The following RAB3C variants were observed in gnomAD, a reference collection of about 807,000 sequenced individuals.
RAB3C encodes the protein RAB3C, member RAS oncogene family.
A neutral mutation model predicts 26.4 loss-of-function variants in RAB3C; 17 were observed. That is an observed-to-expected ratio of 0.64 (90% confidence interval 0.44 to 0.97). RAB3C has a LOEUF of 0.97. Among genes scored for constraint, RAB3C ranks in the 50% least tolerant of loss-of-function variants. The pLI, the probability that RAB3C is intolerant of heterozygous loss-of-function variation, is 0.00. For synonymous variants in RAB3C, 91 were observed against 95.9 expected (o/e 0.95, Z 0.30); for missense variants, 242 against 281.9 (o/e 0.86, Z 1.01).
chr5:58,767,038 C>G (rs1400429125), intron 3 of RAB3C, among the ~76,000 whole-genome samples: 4 of 152,144 alleles, frequency 2.6e-5, no homozygotes, highest in Admixed American at 1.3e-4. Context: ...CAGACAGGGG[C>G]TGTCAAACCT....
intron 3 of RAB3C, among the ~76,000 whole-genome samples, chr5:58,735,440 T>C (rs925740408): frequency 1.3e-5 from 2 of 152,192 alleles, no homozygotes; most frequent in African/African-American, 4.8e-5. Flanking sequence ...TGTAGAATTA[T>C]AATTCCCACC....
chr5:58,753,344 C>A (rs1225414745), intron 3 of RAB3C, among the ~76,000 whole-genome samples: 1 of 152,138 alleles, frequency 6.6e-6, no homozygotes, highest in Admixed American at 6.5e-5. Context: ...ATTCCCAAAT[C>A]ATAGATCTTA....
At chr5:58,700,344 A>G (rs555234563) in intron 2 of RAB3C, among the ~76,000 whole-genome samples, 41 of 152,362 alleles carry the variant, frequency 2.7e-4, no homozygotes, top group Middle Eastern at 6.8e-3. Context: ...GATTCTCTAC[A>G]TGTTCACGTT....
At position 58,726,577 on chromosome 5, in the gene RAB3C, A is replaced by C. The variant is rs1740895958; in HGVS notation, c.371+457A>C. On this transcript the variant is annotated intron_variant, in intron 3 of 4. Transcript: ENST00000282878. ...CCTTAACACCACCACAGCAGAGTTA[A>C]GTAGTTGCAACAGAAACCATATTGC... Among the ~76,000 whole-genome samples, 3 of 151,942 alleles carry C rather than the reference A, an allele frequency of 2.0e-5. 1 individual carries two copies. In the South Asian group the frequency reaches 6.2e-4, roughly 31 times the overall value.
At chr5:58,705,258 T>A (rs1748921586) in intron 2 of RAB3C, among the ~76,000 whole-genome samples, 1 of 152,128 alleles carries the variant, frequency 6.6e-6, no homozygotes, top group African/African-American at 2.4e-5. Context: ...AAGTTCGTAT[T>A]TATAAGTAGG....
intron 2 of RAB3C, among the ~76,000 whole-genome samples, chr5:58,677,889 C>A (rs991423631): frequency 6.6e-6 from 1 of 152,032 alleles, no homozygotes; most frequent in Non-Finnish European, 1.5e-5. Context: ...TTTGTACCAG[C>A]ACAGAGGACA....
In RAB3C at chr5:58,673,209, A is replaced by G. The variant is rs532104550; in HGVS notation, c.253-52793A>G. ...TGGAAAAACCCACAACCCTTAAAACATGTTCTATGGGTTCCCTCTGTCCTG... is the reference window on the plus strand; with the variant it reads ...TGGAAAAACCCACAACCCTTAAAACGTGTTCTATGGGTTCCCTCTGTCCTG... On this transcript the variant is annotated intron_variant, in intron 2 of 4. Transcript: ENST00000282878. Among the ~76,000 whole-genome samples the G allele has an allele frequency of 2.6e-5, 4 of 152,296 alleles. No homozygotes were observed. The South Asian group carries it at 8.3e-4, about 32-fold the overall frequency.
intron 2 of RAB3C, among the ~76,000 whole-genome samples, chr5:58,676,464 T>C (rs1748229736): frequency 1.3e-5 from 2 of 151,894 alleles, no homozygotes; most frequent in South Asian, 2.1e-4. Flanking sequence ...GATCATGCCA[T>C]TGTGCTCCAA....
At chr5:58,763,296 G>A (rs1247921899) in intron 3 of RAB3C, among the ~76,000 whole-genome samples, 1 of 152,190 alleles carries the variant, frequency 6.6e-6, no homozygotes, top group African/African-American at 2.4e-5. Context: ...CTTTGTCCCA[G>A]AATTTTAGAG....
chr5:58,793,158 G>A (rs896381943), intron 3 of RAB3C, among the ~76,000 whole-genome samples: 3 of 152,144 alleles, frequency 2.0e-5, no homozygotes, highest in Non-Finnish European at 4.4e-5. Flanking sequence ...AAACCTCTCA[G>A]TGGGCCCTAA....
At chr5:58,606,558 T>C (rs1049098494) in intron 1 of RAB3C, among the ~76,000 whole-genome samples, 2 of 152,122 alleles carry the variant, frequency 1.3e-5, no homozygotes, top group African/African-American at 4.8e-5. Flanking sequence ...CAGCACAGGG[T>C]TTGAGCTCTG....
chr5:58,707,608 C>G (rs1308386083), intron 2 of RAB3C, among the ~76,000 whole-genome samples: 2 of 152,142 alleles, frequency 1.3e-5, no homozygotes, highest in African/African-American at 4.8e-5. Flanking sequence ...TCATCCAGCC[C>G]TAGAATTCCT....
chr5:58,654,971 A>G (rs946817243), intron 2 of RAB3C, among the ~76,000 whole-genome samples: 2 of 152,224 alleles, frequency 1.3e-5, no homozygotes, highest in African/African-American at 4.8e-5. Context: ...AATTTTAGGT[A>G]GTGATAAATT....
At position 58,794,969 on chromosome 5, in the gene RAB3C, TG is replaced by T. The variant is rs1313710777; in HGVS notation, c.372-30067del. ...TTCATTTAGAAAAAGATTATTGATA[TG>T]GTTTGGCTGTGTCCCCGCCCTAATC... On this transcript the variant is annotated intron_variant, in intron 3 of 4. Transcript: ENST00000282878. Among the ~76,000 whole-genome samples, 4 of 152,320 alleles carry T rather than the reference TG, an allele frequency of 2.6e-5. No individual in the cohort carries two copies. The East Asian group carries it at 7.7e-4, about 29-fold the overall frequency.
intron 2 of RAB3C, among the ~76,000 whole-genome samples, chr5:58,712,199 A>G (rs543247555): frequency 1.3e-3 from 194 of 151,794 alleles, no homozygotes; most frequent in Middle Eastern, 3.2e-3. Context: ...TTCACACACA[A>G]CCAGGCTCTC....
chr5:58,676,359 C>T (rs2111832579), intron 2 of RAB3C, among the ~76,000 whole-genome samples: 1 of 152,012 alleles, frequency 6.6e-6, no homozygotes, highest in East Asian at 1.9e-4. Context: ...AAAAATTAGC[C>T]AGGTGTGGTG....
At chr5:58,608,197 G>T (rs1746613328) in intron 1 of RAB3C, among the ~76,000 whole-genome samples, 1 of 152,132 alleles carries the variant, frequency 6.6e-6, no homozygotes, top group East Asian at 1.9e-4. Context: ...CATCTTATGT[G>T]CAGAGACATG....
chr5:58,672,799 C>T (rs2111826721), intron 2 of RAB3C, among the ~76,000 whole-genome samples: 1 of 152,278 alleles, frequency 6.6e-6, no homozygotes, highest in Non-Finnish European at 1.5e-5. Flanking sequence ...TCTTTTAAGT[C>T]AGTGGGTACT....
chr5:58,799,927 A>G (rs1742766875), intron 3 of RAB3C, among the ~76,000 whole-genome samples: 1 of 152,234 alleles, frequency 6.6e-6, no homozygotes, highest in Non-Finnish European at 1.5e-5. Context: ...GAAAAAGGGC[A>G]TTTCTTCAAA....
Sources: gnomAD v4.1 joint callset for allele counts (sites outside exome capture counted in the v4.1 genomes callset) on GRCh38, gnomAD v4.1.1 for gene constraint, MANE v1.5 for transcripts, NCBI Gene and HGNC (gene_info 2026-07-23, HGNC 2026-07-21) for gene names.